The following ARHGEF7 variants were observed in gnomAD, a reference collection of about 807,000 sequenced individuals.
The protein encoded by ARHGEF7 is Rho guanine nucleotide exchange factor 7.
ARHGEF7 carries 33 observed loss-of-function variants against 109.8 expected under a neutral mutation model. The ratio of observed to expected loss-of-function variants is 0.30; its 90% CI spans 0.23 to 0.40. The LOEUF is 0.40. ARHGEF7 is among the 10% of genes least tolerant of loss of function. The pLI, the probability that ARHGEF7 is intolerant of heterozygous loss-of-function variation, is 1.00. For synonymous variants in ARHGEF7, 458 were observed against 424.6 expected (o/e 1.08, Z -0.97); for missense variants, 938 against 1,098.5 (o/e 0.85, Z 2.07).
intron 1 of ARHGEF7, among the ~76,000 whole-genome samples, chr13:111,133,787 AT>A (rs1566606719): frequency 0.019 from 1,915 of 102,170 alleles, 199 homozygotes; most frequent in African/African-American, 0.071. Flanking sequence ...ATATATATAT[AT>A]ATATATATAT....
At chr13:111,159,101 T>G (rs1304552773) in intron 2 of ARHGEF7, 3 of 717,984 alleles carry the variant, frequency 4.2e-6, no homozygotes, top group Non-Finnish European at 7.8e-6. Context: ...TGAGTTCAGC[T>G]TTTTTACACT....
chr13:111,202,555 T>C (rs1566804545), intron 2 of ARHGEF7, among the ~76,000 whole-genome samples: 1 of 152,198 alleles, frequency 6.6e-6, no homozygotes, highest in Non-Finnish European at 1.5e-5. Context: ...GTGGAAATAC[T>C]GCTAAAGCAC....
intron 8 of ARHGEF7, among the ~76,000 whole-genome samples, chr13:111,263,151 T>C (rs1289261824): frequency 6.6e-6 from 1 of 152,252 alleles, no homozygotes; most frequent in African/African-American, 2.4e-5. Context: ...GTGTGGAATA[T>C]GTTGGCACGT....
At chr13:111,175,652 T>C (rs947076133) in intron 2 of ARHGEF7, among the ~76,000 whole-genome samples, 1 of 152,132 alleles carries the variant, frequency 6.6e-6, no homozygotes, top group Non-Finnish European at 1.5e-5. Flanking sequence ...CTTTGAAAGG[T>C]ATTGCCTTGG....
chr13:111,134,578 G>A (rs1477116503), intron 1 of ARHGEF7, among the ~76,000 whole-genome samples: 4 of 152,206 alleles, frequency 2.6e-5, no homozygotes, highest in African/African-American at 7.2e-5. Context: ...TCTGTTGGCT[G>A]CATAAATGTC....
At chr13:111,220,453 A>G (rs1201287567) in intron 5 of ARHGEF7, among the ~76,000 whole-genome samples, 1 of 152,104 alleles carries the variant, frequency 6.6e-6, no homozygotes, top group Admixed American at 6.5e-5. Context: ...CTTTTCATGT[A>G]TTTCTCCTTG....
chr13:111,266,870 A>G lies in ARHGEF7; in HGVS notation c.951-678A>G, dbSNP rs1200847643. The G allele has an allele frequency of 4.4e-6, 2 of 455,728 alleles. No individual in the cohort carries two copies. The highest frequency in any genetic ancestry group is 1.4e-4 in the East Asian group (2 of 14,348). The allele number at this position is 455,728 out of a possible 1,614,324, so 28.2% of individuals were successfully genotyped here. A position where few individuals can be genotyped will look rare whatever the true frequency, so the allele number is the denominator to read the frequency against. On this transcript the variant is annotated intron_variant, in intron 8 of 21. Transcript: ENST00000646102. The surrounding 1 kb of genome is among the most constrained non-coding windows in gnomAD (Gnocchi z 4.8). The stretch of plus-strand genomic sequence containing the variant: ...GGGTTGTTGCTGTTGTCCTTCAGAA[A>G]CTCTGAGGTCTGGAGAGGTGAGCGT...
intron 4 of ARHGEF7, among the ~76,000 whole-genome samples, chr13:111,210,390 A>C (rs1229212133): frequency 6.6e-6 from 1 of 152,256 alleles, no homozygotes; most frequent in Admixed American, 6.5e-5. Flanking sequence ...AGAGATGGTT[A>C]AAACTAAAGA....
At chr13:111,271,056 C>T (rs563247569) in intron 9 of ARHGEF7, among the ~76,000 whole-genome samples, 7 of 152,266 alleles carry the variant, frequency 4.6e-5, no homozygotes, top group South Asian at 4.2e-4. Flanking sequence ...GCTGTTCTGC[C>T]GGCAGTGATG....
intron 2 of ARHGEF7, among the ~76,000 whole-genome samples, chr13:111,200,645 G>A (rs1050036837): frequency 3.9e-5 from 6 of 152,124 alleles, no homozygotes; most frequent in African/African-American, 1.4e-4. Flanking sequence ...CAAAATTAAC[G>A]CCATGTTCTG....
At chr13:111,294,619 C>G (rs891740771) in intron 19 of ARHGEF7, 1 of 985,276 alleles carries the variant, frequency 1.0e-6, no homozygotes, top group African/African-American at 1.7e-5. Flanking sequence ...CTTTTGTGAT[C>G]TGGTTAAGAA....
rs550623998 is a variant in ARHGEF7, at chr13:111,120,130, G to A, written c.165+4439G>A. ...GCAATAATAAACATTTCCTTTTGAA[G>A]CATGTGACTTTATAGTCCTGTCTCA... On this transcript the variant is annotated intron_variant, in intron 1 of 21. Transcript: ENST00000646102. Among the ~76,000 whole-genome samples, 16 of 152,328 alleles carry A rather than the reference G, an allele frequency of 1.1e-4. No individual in the cohort carries two copies. The South Asian group carries it at 3.1e-3, about 30-fold the overall frequency.
chr13:111,241,733 T>C (rs1284002983), intron 6 of ARHGEF7, among the ~76,000 whole-genome samples: 1 of 152,226 alleles, frequency 6.6e-6, no homozygotes, highest in Admixed American at 6.5e-5. Flanking sequence ...CTTTCTTATC[T>C]CACATAGGAA....
chr13:111,256,554 C>T (rs1595242318), intron 8 of ARHGEF7, among the ~76,000 whole-genome samples: 1 of 152,304 alleles, frequency 6.6e-6, no homozygotes, highest in East Asian at 1.9e-4. Context: ...CTTGTCTTTT[C>T]GTGTTTGTGC....
intron 2 of ARHGEF7, among the ~76,000 whole-genome samples, chr13:111,181,597 C>G (rs530907091): frequency 2.8e-4 from 42 of 152,262 alleles, no homozygotes; most frequent in Admixed American, 5.9e-4. Flanking sequence ...CATCAGTTTG[C>G]ACTCGGTTCT....
chr13:111,295,311 G>A, intron 19 of ARHGEF7: 2 of 557,538 alleles, frequency 3.6e-6, no homozygotes, highest in South Asian at 7.9e-5. Flanking sequence ...GTGATAGATA[G>A]AACCCTTCTG....
chr13:111,152,264 A>AT (rs1370328040), intron 1 of ARHGEF7, among the ~76,000 whole-genome samples: 3 of 152,338 alleles, frequency 2.0e-5, no homozygotes, highest in East Asian at 1.9e-4. Flanking sequence ...TATTGGATAT[A>AT]TTTTTTATAA....
Position 111,228,750 on chromosome 13 carries a change from ACT to A in ARHGEF7, c.671-4452_671-4451del, listed in dbSNP as rs1459386472. 1.3e-5 allele frequency among the ~76,000 whole-genome samples: 2 copies of A among 152,026 alleles called. No homozygotes were observed. Among genetic ancestry groups the A allele is most frequent in the African/African-American group, 4.8e-5 (2 of 41,390 alleles). Reference sequence around the variant, plus strand: ...ACACACACAGACATTGACTCTGTGAACTCTGAGTGCGTGAGTAACAGCCAACA... The same window carrying A: ...ACACACACAGACATTGACTCTGTGAACTGAGTGCGTGAGTAACAGCCAACA... On this transcript the variant is annotated intron_variant, in intron 5 of 21. Coordinates refer to ENST00000646102, the MANE Select transcript of ARHGEF7 (RefSeq NM_001354046.2). This position sits in a 1 kb window ranked among gnomAD's most constrained non-coding sequence, Gnocchi z 4.6.
intron 2 of ARHGEF7, 71 bp downstream of exon 2, chr13:111,154,062 C>T: frequency 1.4e-6 from 2 of 1,438,230 alleles, no homozygotes; most frequent in Non-Finnish European, 1.8e-6. Flanking sequence ...GGGTGCTTCG[C>T]TCCAGCCGGA....
Sources: gnomAD v4.1 joint callset for allele counts (sites outside exome capture counted in the v4.1 genomes callset) on GRCh38, gnomAD v4.1.1 for gene constraint, Gnocchi (gnomAD v3.1) non-coding constraint, MANE v1.5 for transcripts, NCBI Gene and HGNC (gene_info 2026-07-23, HGNC 2026-07-21) for gene names.